Variants in FBLN5 observed in about 807,000 individuals in gnomAD.
FBLN5 encodes the protein fibulin 5.
FBLN5 carries 24 observed loss-of-function variants against 61.6 expected under a neutral mutation model. That is an observed-to-expected ratio of 0.39 (90% CI 0.28 to 0.55). FBLN5 has a LOEUF of 0.55. Ranked by LOEUF, FBLN5 falls within the 20% of genes least tolerant of loss-of-function variation. FBLN5 has a pLI of 0.65. For synonymous variants in FBLN5, 213 were observed against 219.8 expected (o/e 0.97, Z 0.27); for missense variants, 470 against 594.1 (o/e 0.79, Z 2.17).
intron 10 of FBLN5, 124 bp from the exon 11 acceptor site, chr14:91,870,509 T>C: frequency 2.2e-6 from 2 of 920,460 alleles, no homozygotes; most frequent in Non-Finnish European, 3.6e-6. Context: ...AACTGTGCCA[T>C]GCTCTTTCCC....
At chr14:91,871,104 G>A (rs1888903433) in intron 10 of FBLN5, among the ~76,000 whole-genome samples, 1 of 151,218 alleles carries the variant, frequency 6.6e-6, no homozygotes, top group Admixed American at 6.6e-5. Context: ...AAACTCCTAC[G>A]ACACAGTAAT....
intron 2 of FBLN5, among the ~76,000 whole-genome samples, chr14:91,941,683 G>A (rs1212148966): frequency 6.6e-6 from 1 of 152,166 alleles, no homozygotes; most frequent in African/African-American, 2.4e-5. Flanking sequence ...ACTGGCATAG[G>A]TTCAAGACTG....
intron 10 of FBLN5, among the ~76,000 whole-genome samples, chr14:91,871,826 C>G (rs1888943279): frequency 6.6e-6 from 1 of 151,618 alleles, no homozygotes; most frequent in Non-Finnish European, 1.5e-5. Flanking sequence ...CACTATACTC[C>G]ACCCTGGACA....
intron 4 of FBLN5, among the ~76,000 whole-genome samples, chr14:91,929,089 AC>A (rs2055879799): frequency 1.7e-5 from 1 of 60,590 alleles, no homozygotes; most frequent in Admixed American, 1.3e-4. Flanking sequence ...AAACACACAC[AC>A]ACACACACAC....
At chr14:91,913,543 A>T (rs762405048) in intron 4 of FBLN5, among the ~76,000 whole-genome samples, 11 of 152,208 alleles carry the variant, frequency 7.2e-5, no homozygotes, top group Non-Finnish European at 1.3e-4. Flanking sequence ...AGCATAGAAG[A>T]CAATTTTGAG....
At chr14:91,923,268 C>T (rs1318276448) in intron 4 of FBLN5, among the ~76,000 whole-genome samples, 2 of 152,196 alleles carry the variant, frequency 1.3e-5, no homozygotes, top group Non-Finnish European at 2.9e-5. Flanking sequence ...GGCTTGTAAA[C>T]ATTTCACTCC....
intron 4 of FBLN5, among the ~76,000 whole-genome samples, chr14:91,913,874 A>T (rs1225444393): frequency 6.6e-6 from 1 of 152,222 alleles, no homozygotes; most frequent in African/African-American, 2.4e-5. Context: ...ACCACTAAAT[A>T]AATCATGGAT....
At chr14:91,891,554 T>G (rs1327994261) in intron 5 of FBLN5, among the ~76,000 whole-genome samples, 2 of 152,170 alleles carry the variant, frequency 1.3e-5, no homozygotes, top group Non-Finnish European at 1.5e-5. Flanking sequence ...TCGACCCATC[T>G]CAGTCCCATA....
chr14:91,918,644 C>T (rs1384016638), intron 4 of FBLN5, among the ~76,000 whole-genome samples: 2 of 152,090 alleles, frequency 1.3e-5, no homozygotes, highest in East Asian at 1.9e-4. Context: ...ACTTTGTCTA[C>T]GAGTGCACAA....
chr14:91,945,228 CAAAAAAA>C (rs545285563), intron 1 of FBLN5, among the ~76,000 whole-genome samples: 3 of 64,892 alleles, frequency 4.6e-5, no homozygotes, highest in South Asian at 5.0e-4. Context: ...GACTCCGTCT[CAAAAAAA>C]AAAAAAAAAA....
chr14:91,880,158 C>T (rs965861055), intron 9 of FBLN5, among the ~76,000 whole-genome samples: 35 of 152,262 alleles, frequency 2.3e-4, no homozygotes, highest in African/African-American at 8.4e-4. Flanking sequence ...GAGAACTCTC[C>T]AGCACCTCAA....
At position 91,932,992 on chromosome 14, in the gene FBLN5, A is replaced by C. The variant is rs113962431; in HGVS notation, c.379+3955T>G. ...TGTCATCCCTCTGGGTGGATATTCC[A>C]AGTTCTGGCTTTGCTAACCAACTTG... On this transcript the variant is annotated intron_variant, in intron 4 of 10. Coordinates refer to ENST00000342058, the MANE Select transcript of FBLN5 (RefSeq NM_006329.4). Among the ~76,000 whole-genome samples, 349 of 152,330 alleles carry C rather than the reference A, an allele frequency of 2.3e-3. 1 individual carries two copies. Among genetic ancestry groups the C allele is most frequent in the African/African-American group, 7.8e-3 (323 of 41,568 alleles).
chr14:91,901,073 T>C (rs75373875), intron 4 of FBLN5, among the ~76,000 whole-genome samples: 1 of 152,354 alleles, frequency 6.6e-6, no homozygotes, highest in East Asian at 1.9e-4. Context: ...TCTCCACCTC[T>C]GCACCCAGGC....
chr14:91,907,151 G>C lies in FBLN5; in HGVS notation c.380-12079C>G, dbSNP rs193270536. 4.3e-4 allele frequency among the ~76,000 whole-genome samples: 66 copies of C among 152,326 alleles called. No homozygotes were observed. In the East Asian group the frequency reaches 0.011, roughly 26 times the overall value. On this transcript the variant is annotated intron_variant, in intron 4 of 10. Transcript: ENST00000342058. ...CAGTGAAGTGTGGCTATGTGACTAAGTTCTGGCCAGTGAGATATAAGTAAA... is the reference window on the plus strand; with the variant it reads ...CAGTGAAGTGTGGCTATGTGACTAACTTCTGGCCAGTGAGATATAAGTAAA...
intron 4 of FBLN5, among the ~76,000 whole-genome samples, chr14:91,933,104 T>A (rs780079812): frequency 1.8e-4 from 27 of 152,344 alleles, no homozygotes; most frequent in Middle Eastern, 6.8e-3. Context: ...AGAGCCATGC[T>A]ACTCCGGGGA....
At position 91,882,803 on chromosome 14, in the gene FBLN5, CTA is replaced by C; in HGVS notation, c.862+149_862+150del. 1.2e-6 allele frequency: 1 copy of C among 819,122 alleles called. No homozygotes were observed. The highest frequency in any genetic ancestry group is 2.0e-6 in the Non-Finnish European group (1 of 503,458). The allele number at this position is 819,122 out of a possible 1,614,324, so 50.7% of individuals were successfully genotyped here. A position where few individuals can be genotyped will look rare whatever the true frequency, so the allele number is the denominator to read the frequency against. Reference sequence around the variant, plus strand: ...CCAGGCATCCTGCCCAGAGCTGCCACTATGAGAGCCACCAGCACCCACTCACA... The same window carrying C: ...CCAGGCATCCTGCCCAGAGCTGCCACTGAGAGCCACCAGCACCCACTCACA... On this transcript the variant is annotated intron_variant, in intron 8 of 10. Transcript: ENST00000342058. This position sits in a 1 kb window ranked among gnomAD's most constrained non-coding sequence, Gnocchi z 4.9.
At chr14:91,888,108 G>A (rs1889811989) in intron 6 of FBLN5, among the ~76,000 whole-genome samples, 1 of 151,946 alleles carries the variant, frequency 6.6e-6, no homozygotes, top group East Asian at 1.9e-4. Context: ...AGACCAACCT[G>A]GGCAACATAG....
chr14:91,875,922 A>G (rs994979609), intron 10 of FBLN5, among the ~76,000 whole-genome samples: 3 of 152,240 alleles, frequency 2.0e-5, no homozygotes, highest in Admixed American at 2.0e-4. Flanking sequence ...TTGACGTGAG[A>G]TGTAACCCAG....
rs886050888 is a variant in FBLN5, at chr14:91,895,064, C to T, written c.388G>A (p.Glu130Lys). ...DESNQCVDVD[E>K]CATDSHQCNP... is the part of the protein sequence containing the mutation. ...CACTGGTGGGAATCTGTTGCACACTCGTCCACATCTGTAATACAGACATAG... is the reference window on the plus strand; with the variant it reads ...CACTGGTGGGAATCTGTTGCACACTTGTCCACATCTGTAATACAGACATAG... Residue 130 changes from glutamate to lysine, a missense_variant, in exon 5 of 11, where the codon GAG becomes AAG. By Grantham distance (56) the Glu-to-Lys change is moderately conservative. Coordinates refer to ENST00000342058, the MANE Select transcript of FBLN5 (RefSeq NM_006329.4). 1.2e-6 allele frequency: 2 copies of T among 1,614,072 alleles called. No individual in the cohort carries two copies. The highest frequency in any genetic ancestry group is 1.7e-6 in the Non-Finnish European group (2 of 1,179,962).
Sources: allele counts gnomAD v4.1 joint callset (sites outside exome capture counted in the v4.1 genomes callset), GRCh38; gene constraint gnomAD v4.1.1; non-coding constraint Gnocchi (gnomAD v3.1); transcripts MANE v1.5; gene names NCBI Gene and HGNC (gene_info 2026-07-23, HGNC 2026-07-21).